RBFOX1: variants seen among roughly 807,000 people sequenced by gnomAD.
RBFOX1 encodes the protein RNA binding protein fox-1 homolog 1.
A neutral mutation model predicts 57.7 loss-of-function variants in RBFOX1; 8 were observed. The observed-to-expected ratio is 0.14, with a 90% CI of 0.08 to 0.25. The LOEUF is 0.25. Among genes scored for constraint, RBFOX1 ranks in the 10% least tolerant of loss-of-function variants. The pLI, the probability that RBFOX1 is intolerant of heterozygous loss-of-function variation, is 1.00. For missense variants in RBFOX1, 611 were observed against 548.5 expected (o/e 1.11, Z -1.14); for synonymous variants, 326 against 222.4 (o/e 1.47, Z -4.15).
intron 3 of RBFOX1, among the ~76,000 whole-genome samples, chr16:5,808,942 A>C (rs1464353612): frequency 2.0e-5 from 3 of 152,136 alleles, no homozygotes; most frequent in Non-Finnish European, 4.4e-5. Flanking sequence ...CGTGGCCACA[A>C]CTTCCAACAC....
chr16:7,502,316 C>A (rs1309181518), intron 4 of RBFOX1, among the ~76,000 whole-genome samples: 4 of 152,218 alleles, frequency 2.6e-5, no homozygotes, highest in Non-Finnish European at 4.4e-5. Flanking sequence ...GGACAAGCAC[C>A]TGCCCTTAAG....
At chr16:6,461,803 C>T (rs1427660671) in intron 2 of RBFOX1, among the ~76,000 whole-genome samples, 1 of 152,044 alleles carries the variant, frequency 6.6e-6, no homozygotes, top group Non-Finnish European at 1.5e-5. Flanking sequence ...TATGTAGGGA[C>T]AGTAATATCA....
intron 2 of RBFOX1, among the ~76,000 whole-genome samples, chr16:6,463,491 T>G (rs547085482): frequency 6.9e-4 from 105 of 152,312 alleles, no homozygotes; most frequent in African/African-American, 2.4e-3. Flanking sequence ...AGAAGCTTTT[T>G]GAACTGATGA....
At position 6,034,378 on chromosome 16, in the gene RBFOX1, G is replaced by C. The variant is rs564703059; in HGVS notation, c.-127+14386G>C. ...AAAAAGAAAAGAAAAGAAAAGAAAG[G>C]AATAGAAGAGAAGTTGTTTTCTCAT... is the stretch of plus-strand genomic sequence containing the variant. On this transcript the variant is annotated intron_variant, in intron 1 of 15. Transcript: ENST00000550418. Among the ~76,000 whole-genome samples, 12 of 139,836 alleles carry C rather than the reference G, an allele frequency of 8.6e-5. No individual in the cohort carries two copies. In the East Asian group the frequency reaches 1.7e-3, roughly 20 times the overall value. 91.7% of individuals were successfully genotyped at this position (139,836 alleles called of 152,430 possible).
At chr16:7,262,399 C>A (rs957816377) in intron 4 of RBFOX1, among the ~76,000 whole-genome samples, 3 of 151,816 alleles carry the variant, frequency 2.0e-5, no homozygotes, top group African/African-American at 7.3e-5. Context: ...TGTACCATTT[C>A]TGGAAAATAC....
intron 2 of RBFOX1, among the ~76,000 whole-genome samples, chr16:6,427,871 C>A (rs2093975181): frequency 6.6e-6 from 1 of 152,084 alleles, no homozygotes; most frequent in South Asian, 2.1e-4. Context: ...AGGTGTGTGA[C>A]TGGGAGCAAA....
At chr16:5,533,527 T>C (rs772261476) in intron 2 of RBFOX1, among the ~76,000 whole-genome samples, 1 of 152,162 alleles carries the variant, frequency 6.6e-6, no homozygotes, top group Non-Finnish European at 1.5e-5. Flanking sequence ...GCAAGGAACA[T>C]TTAAAGTCTG....
At chr16:7,019,485 C>G (rs370494778) in intron 3 of RBFOX1, among the ~76,000 whole-genome samples, 24 of 152,204 alleles carry the variant, frequency 1.6e-4, no homozygotes, top group African/African-American at 4.1e-4. Flanking sequence ...GTTAAGTTGT[C>G]AAAAGCTCTC....
intron 3 of RBFOX1, among the ~76,000 whole-genome samples, chr16:7,048,035 C>T (rs56024600): frequency 2.5e-3 from 380 of 151,794 alleles, no homozygotes; most frequent in Non-Finnish European, 3.8e-3. Flanking sequence ...CCTGCCACAA[C>T]GCCTGGCTAA....
intron 1 of RBFOX1, among the ~76,000 whole-genome samples, chr16:5,415,121 C>T (rs1397567741): frequency 1.3e-5 from 2 of 152,154 alleles, no homozygotes; most frequent in African/African-American, 4.8e-5. Context: ...TTAGTCCTTT[C>T]TCACGCTGTT....
intron 4 of RBFOX1, among the ~76,000 whole-genome samples, chr16:7,269,387 C>A (rs1186539003): frequency 6.6e-6 from 1 of 152,074 alleles, no homozygotes; most frequent in African/African-American, 2.4e-5. Context: ...TCATCACCCC[C>A]AAATAATCAC....
intron 2 of RBFOX1, among the ~76,000 whole-genome samples, chr16:6,357,040 C>A (rs1450434916): frequency 6.6e-6 from 1 of 152,142 alleles, no homozygotes; most frequent in Non-Finnish European, 1.5e-5. Context: ...CTGTCCTGCA[C>A]CCGGGGACCT....
At chr16:6,133,085 G>C (rs112392545) in intron 1 of RBFOX1, among the ~76,000 whole-genome samples, 8 of 149,064 alleles carry the variant, frequency 5.4e-5, no homozygotes, top group Non-Finnish European at 8.9e-5. Flanking sequence ...CAAGTTATTC[G>C]TCTCCATGTC....
intron 4 of RBFOX1, among the ~76,000 whole-genome samples, chr16:5,903,168 T>C (rs2152186613): frequency 6.6e-6 from 1 of 152,254 alleles, no homozygotes; most frequent in East Asian, 1.9e-4. Flanking sequence ...GGGAAATATG[T>C]TCTGCACTGG....
At chr16:7,513,286 T>TAA (rs1491350842) in intron 4 of RBFOX1, among the ~76,000 whole-genome samples, 3 of 128,144 alleles carry the variant, frequency 2.3e-5, no homozygotes, top group East Asian at 3.0e-4. Flanking sequence ...ATAAAAATAA[T>TAA]GAATGAATGA....
At chr16:5,789,384 G>A (rs2342736) in intron 3 of RBFOX1, among the ~76,000 whole-genome samples, 117,124 of 152,070 alleles carry the variant, frequency 0.77, 45,377 homozygotes, top group East Asian at 0.99. Context: ...GACTTACAAG[G>A]GGCCACTTTG....
intron 3 of RBFOX1, among the ~76,000 whole-genome samples, chr16:5,633,639 C>T (rs1010939326): frequency 2.0e-5 from 3 of 151,998 alleles, no homozygotes; most frequent in African/African-American, 4.8e-5. Context: ...TTTGGGAGGT[C>T]GAGGTGGGTG....
At chr16:7,082,368 G>T (rs141324866) in intron 4 of RBFOX1, among the ~76,000 whole-genome samples, 3,442 of 152,024 alleles carry the variant, frequency 0.023, 55 homozygotes, top group Middle Eastern at 0.034. Flanking sequence ...ATCATTTGAG[G>T]CCAGGAGTTT....
chr16:7,399,903 G>C (rs1472650051), intron 4 of RBFOX1, among the ~76,000 whole-genome samples: 2 of 152,110 alleles, frequency 1.3e-5, no homozygotes, highest in African/African-American at 2.4e-5. Context: ...TTTTAACTTA[G>C]AATATTCAAC....
Sources: gnomAD v4.1 joint callset for allele counts (sites outside exome capture counted in the v4.1 genomes callset) on GRCh38, gnomAD v4.1.1 for gene constraint, MANE v1.5 for transcripts, NCBI Gene and HGNC (gene_info 2026-07-23, HGNC 2026-07-21) for gene names.